Variants in CCDC191 observed in about 807,000 individuals in gnomAD.
CCDC191 encodes coiled-coil domain containing 191, also known as coiled-coil domain-containing protein 191.
A neutral mutation model predicts 114.0 loss-of-function variants in CCDC191; 99 were observed. That is an observed-to-expected ratio of 0.87 (90% confidence interval 0.74 to 1.03). CCDC191 has a LOEUF of 1.03. Among genes scored for constraint, CCDC191 ranks in the 50% least tolerant of loss-of-function variants. The pLI is 0.00. For missense variants in CCDC191, 973 were observed against 1,087.0 expected (o/e 0.90, Z 1.47); for synonymous variants, 351 against 376.0 (o/e 0.93, Z 0.77).
chr3:113,977,225 A>G (rs1423778576), intron 16 of CCDC191, among the ~76,000 whole-genome samples: 1 of 152,176 alleles, frequency 6.6e-6, no homozygotes, highest in Non-Finnish European at 1.5e-5. Flanking sequence ...TGAACCCAGG[A>G]GGCAGAGGTT....
intron 16 of CCDC191, among the ~76,000 whole-genome samples, chr3:113,977,881 C>T (rs1269167939): frequency 6.6e-6 from 1 of 152,174 alleles, no homozygotes; most frequent in African/African-American, 2.4e-5. Context: ...ATTTGACTAA[C>T]AAAGAATACA....
chr3:114,004,663 A>G lies in CCDC191; in HGVS notation c.1952T>C (p.Leu651Ser). Reference protein sequence around the residue: ...LSGLRRKPKQLMTPHPILKAM... With the variant: ...LSGLRRKPKQSMTPHPILKAM... ...TTTTAGTATGGGATGCGGTGTCATCAATTGCTTTGGTTTCCTTCTGAGTCC... is the reference window on the plus strand; with the variant it reads ...TTTTAGTATGGGATGCGGTGTCATCGATTGCTTTGGTTTCCTTCTGAGTCC... The change falls in exon 11 of 17, where the codon TTG becomes TCG. Residue 651 changes from leucine (L) to serine (S), a missense_variant. Physicochemically the swap from Leu to Ser is moderately radical, Grantham distance 145. Coordinates refer to ENST00000295878, the MANE Select transcript of CCDC191 (RefSeq NM_020817.2). The G allele has an allele frequency of 6.2e-7, 1 of 1,612,816 alleles. No individual in the cohort carries two copies. Among genetic ancestry groups the G allele is most frequent in the Non-Finnish European group, 8.5e-7 (1 of 1,179,310 alleles).
intron 8 of CCDC191, among the ~76,000 whole-genome samples, chr3:114,011,903 G>T (rs1239955880): frequency 6.6e-6 from 1 of 152,142 alleles, no homozygotes; most frequent in Non-Finnish European, 1.5e-5. Context: ...TTATCCTGAA[G>T]AACTTAGCTG....
chr3:114,039,339 C>G (rs1052401119), intron 4 of CCDC191: 2 of 151,776 alleles, frequency 1.3e-5, no homozygotes, highest in African/African-American at 2.4e-5. Context: ...GACCCTGTTT[C>G]TTTTAAAAGA....
chr3:114,035,549 A>G (rs766063786), intron 5 of CCDC191, among the ~76,000 whole-genome samples: 10 of 152,240 alleles, frequency 6.6e-5, no homozygotes, highest in Non-Finnish European at 1.5e-4. Flanking sequence ...TTTGGAAGCC[A>G]CACTGTGAAT....
chr3:114,023,751 C>T (rs565680211), intron 7 of CCDC191, among the ~76,000 whole-genome samples: 3 of 152,034 alleles, frequency 2.0e-5, no homozygotes, highest in Non-Finnish European at 1.5e-5. Flanking sequence ...ACCATAAAAA[C>T]CCTAGCAGAA....
intron 16 of CCDC191, among the ~76,000 whole-genome samples, chr3:113,973,537 TTCTC>T (rs1266896750): frequency 2.0e-5 from 3 of 152,144 alleles, no homozygotes; most frequent in South Asian, 2.1e-4. Context: ...GAGAAAAACT[TTCTC>T]TATCCTTCAT....
chr3:114,028,601 T>C (rs944251299), intron 7 of CCDC191, among the ~76,000 whole-genome samples: 1 of 151,966 alleles, frequency 6.6e-6, no homozygotes, highest in Non-Finnish European at 1.5e-5. Flanking sequence ...ACTATTTTTA[T>C]AGTGTACTAG....
intron 13 of CCDC191, among the ~76,000 whole-genome samples, chr3:113,997,814 A>G (rs552007673): frequency 4.6e-5 from 7 of 152,262 alleles, no homozygotes; most frequent in African/African-American, 1.4e-4. Context: ...AAAAATTCCT[A>G]TTGCCCAGTG....
At chr3:113,990,124 A>G (rs939696719) in intron 13 of CCDC191, among the ~76,000 whole-genome samples, 1 of 152,218 alleles carries the variant, frequency 6.6e-6, no homozygotes, top group Non-Finnish European at 1.5e-5. Context: ...ATGAAATTGA[A>G]AAGAGGAAAA....
At chr3:113,999,156 T>C (rs2075800749) in intron 13 of CCDC191, among the ~76,000 whole-genome samples, 1 of 152,098 alleles carries the variant, frequency 6.6e-6, no homozygotes, top group South Asian at 2.1e-4. Flanking sequence ...AATCAAGGGA[T>C]GGAAATGAGA....
Position 114,006,619 on chromosome 3 carries a change from A to AAAT in CCDC191, c.1414-658_1414-657insATT, listed in dbSNP as rs1160832038. Among the ~76,000 whole-genome samples the AAAT allele has an allele frequency of 1.6e-3, 152 of 92,474 alleles. 1 individual carries two copies. The highest frequency in any genetic ancestry group is 5.9e-3 in the African/African-American group (140 of 23,876). The allele number at this position is 92,474 out of a possible 152,430, so 60.7% of individuals were successfully genotyped here. A position where few individuals can be genotyped will look rare whatever the true frequency, so the allele number is the denominator to read the frequency against. Reference sequence around the variant, plus strand: ...ATATATATATATATATATATATATAAATATATATATTTTATATATAAAAAA... The same window carrying AAAT: ...ATATATATATATATATATATATATAAAATATATATATATTTTATATATAAAAAA... On this transcript the variant is annotated intron_variant, in intron 9 of 16. Transcript: ENST00000295878.
At chr3:113,978,808 T>C (rs1033418877) in intron 15 of CCDC191, 50 bp downstream of exon 15, 13 of 1,568,176 alleles carry the variant, frequency 8.3e-6, no homozygotes, top group Non-Finnish European at 1.1e-5. Flanking sequence ...TTTTCTTAAA[T>C]AGAATTGAGC....
intron 8 of CCDC191, among the ~76,000 whole-genome samples, chr3:114,018,114 G>A (rs1208101450): frequency 6.6e-6 from 1 of 152,174 alleles, no homozygotes; most frequent in Admixed American, 6.5e-5. Flanking sequence ...CACTTTGGCA[G>A]GTTGGCCCTC....
intron 6 of CCDC191, among the ~76,000 whole-genome samples, chr3:114,034,308 T>C (rs1414344315): frequency 1.3e-5 from 2 of 151,996 alleles, no homozygotes; most frequent in African/African-American, 4.8e-5. Context: ...CTATTAAAAG[T>C]GTAAAAATAT....
intron 7 of CCDC191, among the ~76,000 whole-genome samples, chr3:114,028,499 A>T (rs1408442820): frequency 6.6e-6 from 1 of 151,698 alleles, no homozygotes; most frequent in East Asian, 1.9e-4. Flanking sequence ...GTTAGCCAGG[A>T]TGGTCTCGAT....
chr3:113,991,294 C>T (rs2075558302), intron 13 of CCDC191, among the ~76,000 whole-genome samples: 1 of 128,462 alleles, frequency 7.8e-6, no homozygotes, highest in Non-Finnish European at 1.6e-5. Context: ...TAACAAAATA[C>T]CAACACATGA....
intron 13 of CCDC191, among the ~76,000 whole-genome samples, chr3:113,999,336 G>A (rs895448503): frequency 2.6e-5 from 4 of 152,060 alleles, no homozygotes; most frequent in South Asian, 4.2e-4. Flanking sequence ...GGCCACTTTC[G>A]GCTCCTTGTG....
intron 13 of CCDC191, chr3:113,984,334 T>C (rs944992515): frequency 1.3e-5 from 2 of 151,588 alleles, no homozygotes; most frequent in Non-Finnish European, 2.9e-5. Flanking sequence ...TTAAGCAGAG[T>C]TCAACCAAAC....
Sources: allele counts gnomAD v4.1 joint callset (sites outside exome capture counted in the v4.1 genomes callset), GRCh38; gene constraint gnomAD v4.1.1; transcripts MANE v1.5; gene names NCBI Gene and HGNC (gene_info 2026-07-23, HGNC 2026-07-21).